Variants in CPVL observed in about 807,000 individuals in gnomAD.
CPVL encodes probable serine carboxypeptidase CPVL.
In CPVL, 51 loss-of-function variants were observed where a neutral mutation model predicts 63.7. That is an observed-to-expected ratio of 0.80 (90% CI 0.64 to 1.01). The LOEUF (loss-of-function observed/expected upper bound fraction) is 1.01. Among genes scored for constraint, CPVL ranks in the 50% least tolerant of loss-of-function variants. The probability of loss-of-function intolerance (pLI) is 0.00; values close to 1 mark genes in which losing one functional copy is unlikely to be tolerated. For missense variants in CPVL, 530 were observed against 573.1 expected, an observed-to-expected ratio of 0.92 and a Z score of 0.77; for synonymous variants, 195 against 206.0, an observed-to-expected ratio of 0.95 and a Z score of 0.46.
At chr7:29,022,477 T>A (rs1787097878) in intron 12 of CPVL, among the ~76,000 whole-genome samples, 1 of 152,174 alleles carries the variant, frequency 6.6e-6, no homozygotes, top group South Asian at 2.1e-4. Context: ...GCCACACGCA[T>A]CACCCACATA....
chr7:29,091,200 T>C (rs1476362996), intron 6 of CPVL, among the ~76,000 whole-genome samples: 6 of 152,166 alleles, frequency 3.9e-5, no homozygotes, highest in African/African-American at 1.4e-4. Flanking sequence ...ATGGACCACA[T>C]GTCAGCAGTC....
At chr7:29,132,654 G>C (rs560238436) in intron 1 of CPVL, among the ~76,000 whole-genome samples, 1 of 152,232 alleles carries the variant, frequency 6.6e-6, no homozygotes, top group Non-Finnish European at 1.5e-5. Context: ...TTCCAGCCCA[G>C]CCTCCCTCGT....
chr7:29,038,904 T>C (rs1378233089), intron 11 of CPVL, among the ~76,000 whole-genome samples: 4 of 152,182 alleles, frequency 2.6e-5, no homozygotes, highest in Admixed American at 2.6e-4. Context: ...GTAGTGTGTT[T>C]TGTTTGTTTT....
intron 7 of CPVL, among the ~76,000 whole-genome samples, chr7:29,080,955 T>G (rs1016204148): frequency 6.6e-6 from 1 of 152,202 alleles, no homozygotes; most frequent in Non-Finnish European, 1.5e-5. Flanking sequence ...GATGTTCTGT[T>G]TTAACCACAT....
intron 7 of CPVL, 40 bp downstream of exon 7, chr7:29,086,444 T>C: frequency 7.3e-7 from 1 of 1,376,034 alleles, no homozygotes; most frequent in Non-Finnish European, 1.0e-6. Context: ...TCAGTTCTGG[T>C]GATGTTTGAA....
intron 3 of CPVL, among the ~76,000 whole-genome samples, chr7:29,105,860 G>C (rs1787668682): frequency 6.6e-6 from 1 of 152,044 alleles, no homozygotes; most frequent in Non-Finnish European, 1.5e-5. Context: ...TGTCCACTAA[G>C]GAACAAGGAA....
intron 3 of CPVL, among the ~76,000 whole-genome samples, chr7:29,104,851 TTCTC>T (rs978865634): frequency 1.8e-4 from 28 of 152,304 alleles, no homozygotes; most frequent in African/African-American, 6.0e-4. Context: ...GTTAGTTACT[TTCTC>T]TCTATGTTAT....
intron 3 of CPVL, among the ~76,000 whole-genome samples, chr7:29,112,022 T>C (rs568225872): frequency 6.6e-5 from 10 of 152,226 alleles, no homozygotes; most frequent in Non-Finnish European, 1.5e-4. Context: ...TACAGAAGAA[T>C]GGCATAATCT....
At chr7:29,030,157 A>C (rs1787886824) in intron 12 of CPVL, among the ~76,000 whole-genome samples, 1 of 152,232 alleles carries the variant, frequency 6.6e-6, no homozygotes, top group South Asian at 2.1e-4. Flanking sequence ...TGGAAGTTGC[A>C]CTAGGGTGTC....
chr7:29,030,442 T>G (rs994786008), intron 12 of CPVL, 135 bp downstream of exon 12: 2 of 798,876 alleles, frequency 2.5e-6, no homozygotes, highest in Non-Finnish European at 4.0e-6. Flanking sequence ...CTGTGGAAAG[T>G]AGGGCCACAG....
rs985667281 is a variant in CPVL at position 29,194,882 on chromosome 7, G to T, written c.-448+195C>A. 3 of 1,381,484 alleles carry T rather than the reference G, an allele frequency of 2.2e-6. 1 individual carries two copies. The African/African-American group carries it at 4.6e-5, about 21-fold the overall frequency. 85.6% of individuals were successfully genotyped at this position (1,381,484 alleles called of 1,614,324 possible). A position where few individuals can be genotyped will look rare whatever the true frequency, so the allele number is the denominator to read the frequency against. On this transcript the variant is annotated intron_variant, in intron 1 of 16. Coordinates refer to the CPVL transcript ENST00000409850. The stretch of plus-strand genomic sequence containing the variant: ...GGAGGCTGCGAGCGGCCGGGCGAGG[G>T]CAGCGGCGGCGGCGTCCGCACCGGG...
intron 1 of CPVL, among the ~76,000 whole-genome samples, chr7:29,129,772 AG>A (rs761569615): frequency 1.3e-5 from 2 of 152,168 alleles, no homozygotes; most frequent in African/African-American, 2.4e-5. Context: ...TTTAATTAAA[AG>A]TAACTTTACA....
intron 11 of CPVL, among the ~76,000 whole-genome samples, chr7:29,041,740 G>A (rs1261804776): frequency 1.3e-5 from 2 of 152,118 alleles, no homozygotes; most frequent in Admixed American, 1.3e-4. Context: ...TGTATTATAA[G>A]CACTTAAAAT....
At chr7:29,023,916 AAAAC>A (rs1259221568) in intron 12 of CPVL, among the ~76,000 whole-genome samples, 1 of 152,248 alleles carries the variant, frequency 6.6e-6, no homozygotes, top group Non-Finnish European at 1.5e-5. Flanking sequence ...TATCAATGTA[AAAAC>A]AAACAAACAT....
chr7:29,036,079 C>G (rs996122870), intron 11 of CPVL, among the ~76,000 whole-genome samples: 1 of 152,200 alleles, frequency 6.6e-6, no homozygotes, highest in Admixed American at 6.5e-5. Flanking sequence ...CCTATCCTGT[C>G]TTCCAATCAA....
intron 6 of CPVL, among the ~76,000 whole-genome samples, chr7:29,089,539 C>A (rs1405361802): frequency 6.6e-6 from 1 of 152,078 alleles, no homozygotes; most frequent in African/African-American, 2.4e-5. Context: ...TAAGACAGGG[C>A]CTGGGCGGAA....
At chr7:29,087,417 C>CT (rs1432822671) in intron 6 of CPVL, among the ~76,000 whole-genome samples, 1 of 113,890 alleles carries the variant, frequency 8.8e-6, no homozygotes, top group Non-Finnish European at 1.6e-5. Flanking sequence ...GAGTAAGACT[C>CT]TGTCTCAAAA....
rs956859821 is a variant in CPVL, at chr7:29,186,781, AT to A, written c.-447-235del. Among the ~76,000 whole-genome samples the A allele has an allele frequency of 1.8e-3, 277 of 149,988 alleles. 2 individuals carry two copies. Among genetic ancestry groups the A allele is most frequent in the African/African-American group, 6.3e-3 (258 of 40,998 alleles). ...AATTTCAAGTAAAAACTAAAGGGTAATTTTTTTTTTAGTGTGTATTGGAATG... is the reference window on the plus strand; with the variant it reads ...AATTTCAAGTAAAAACTAAAGGGTAATTTTTTTTTAGTGTGTATTGGAATG... On this transcript the variant is annotated intron_variant, in intron 1 of 16. Coordinates refer to the CPVL transcript ENST00000409850.
intron 1 of CPVL, chr7:29,127,522 G>A (rs1409895585): frequency 6.6e-6 from 1 of 152,184 alleles, no homozygotes; most frequent in Non-Finnish European, 1.5e-5. Context: ...GGTAAAGCAA[G>A]GAACTGAGGT....
Sources: allele counts gnomAD v4.1 joint callset (sites outside exome capture counted in the v4.1 genomes callset), GRCh38; gene constraint gnomAD v4.1.1; transcripts MANE v1.5; gene names NCBI Gene and HGNC (gene_info 2026-07-23, HGNC 2026-07-21).